Variants in RALGPS1 observed in about 807,000 individuals in gnomAD.
RALGPS1 encodes Ral GEF with PH domain and SH3 binding motif 1.
Under a neutral mutation model 78.8 loss-of-function variants are expected in RALGPS1, and 19 were observed. The ratio of observed to expected loss-of-function variants is 0.24; its 90% confidence interval spans 0.17 to 0.35. RALGPS1 has a LOEUF of 0.35. RALGPS1 is among the 10% of genes least tolerant of loss of function. RALGPS1 has a pLI of 1.00. For synonymous variants in RALGPS1, 228 were observed against 256.3 expected, an observed-to-expected ratio of 0.89 and a Z score of 1.06; for missense variants, 454 against 688.3, an observed-to-expected ratio of 0.66 and a Z score of 3.81.
At chr9:127,135,320 G>A (rs2057316896) in intron 8 of RALGPS1, among the ~76,000 whole-genome samples, 1 of 152,206 alleles carries the variant, frequency 6.6e-6, no homozygotes, top group African/African-American at 2.4e-5. Context: ...TCCTGTCTCT[G>A]TGGCCCTTGC....
intron 3 of RALGPS1, among the ~76,000 whole-genome samples, chr9:126,967,801 G>C (rs1469361666): frequency 2.0e-5 from 3 of 152,044 alleles, no homozygotes; most frequent in Non-Finnish European, 4.4e-5. Context: ...GCCTCCCAAA[G>C]TGCTGGGATT....
chr9:127,121,481 C>T (rs1222066058), intron 8 of RALGPS1, among the ~76,000 whole-genome samples: 2 of 152,218 alleles, frequency 1.3e-5, no homozygotes, highest in East Asian at 1.9e-4. Context: ...ACTGAACTGG[C>T]CTCTGGGAGC....
At chr9:127,152,052 A>AT (rs1204245712) in intron 8 of RALGPS1, among the ~76,000 whole-genome samples, 2 of 151,608 alleles carry the variant, frequency 1.3e-5, no homozygotes, top group African/African-American at 2.4e-5. Context: ...GTATTCTTTG[A>AT]TTTTTTTTCA....
intron 1 of RALGPS1, among the ~76,000 whole-genome samples, chr9:126,941,793 C>T (rs2036818632): frequency 6.6e-6 from 1 of 152,230 alleles, no homozygotes; most frequent in African/African-American, 2.4e-5. Context: ...TTTTTATCTA[C>T]CACTTAGTAT....
intron 7 of RALGPS1, among the ~76,000 whole-genome samples, chr9:127,065,992 G>A (rs1008933079): frequency 2.6e-5 from 4 of 152,238 alleles, no homozygotes; most frequent in African/African-American, 9.6e-5. Flanking sequence ...GAAGGGAGCA[G>A]ATGAGTAAAG....
intron 3 of RALGPS1, among the ~76,000 whole-genome samples, chr9:126,976,986 C>T (rs1029033899): frequency 4.6e-5 from 7 of 152,274 alleles, no homozygotes; most frequent in Admixed American, 1.3e-4. Flanking sequence ...CATCTTAAGC[C>T]GGCTGTGGTG....
At chr9:127,093,471 TG>T (rs1249312850) in intron 8 of RALGPS1, among the ~76,000 whole-genome samples, 1 of 152,172 alleles carries the variant, frequency 6.6e-6, no homozygotes, top group Non-Finnish European at 1.5e-5. Flanking sequence ...GGGGCTGTGG[TG>T]GTCTGGTCTA....
chr9:126,918,396 G>A (rs2034396900), intron 1 of RALGPS1, among the ~76,000 whole-genome samples: 1 of 152,164 alleles, frequency 6.6e-6, no homozygotes, highest in South Asian at 2.1e-4. Flanking sequence ...GAGTGCAGTG[G>A]CACAGTCACG....
At chr9:127,176,799 G>A (rs1434348810) in intron 11 of RALGPS1, among the ~76,000 whole-genome samples, 1 of 152,184 alleles carries the variant, frequency 6.6e-6, no homozygotes, top group African/African-American at 2.4e-5. Context: ...AGAGCCCAGG[G>A]TCAGGCACAG....
chr9:126,951,714 A>G (rs543234593), intron 1 of RALGPS1, among the ~76,000 whole-genome samples: 3 of 152,358 alleles, frequency 2.0e-5, no homozygotes, highest in Admixed American at 1.3e-4. Flanking sequence ...CCATTGTCAT[A>G]CTGAATGGGT....
intron 11 of RALGPS1, among the ~76,000 whole-genome samples, chr9:127,194,049 T>G (rs1473691614): frequency 1.3e-5 from 2 of 152,224 alleles, no homozygotes; most frequent in African/African-American, 4.8e-5. Context: ...CAGTGAGGTT[T>G]GCGCCCCTAA....
At chr9:126,952,472 T>C (rs2037913108) in intron 1 of RALGPS1, among the ~76,000 whole-genome samples, 1 of 152,040 alleles carries the variant, frequency 6.6e-6, no homozygotes, top group East Asian at 1.9e-4. Flanking sequence ...TTGGAGAGTT[T>C]GGAGAGGGTC....
Position 127,212,963 on chromosome 9 carries a change from A to G in RALGPS1, c.1466A>G (p.Lys489Arg). ...DRKHYKSTPG[K>R]KVSIVGWMVQ... ...CTCCAGTATAAATCCACACCTGGCA[A>G]AAAGGTTTCCATCGTGGGCTGGATG... Residue 489 changes from lysine to arginine, a missense_variant, in exon 17 of 19, where the codon AAA (lysine) becomes AGA (arginine). Transcript: ENST00000259351. This position sits in a 1 kb window ranked among gnomAD's most constrained non-coding sequence, Gnocchi z 6.0. The G allele has an allele frequency of 6.2e-7, 1 of 1,614,154 alleles. No individual in the cohort carries two copies. The highest frequency in any genetic ancestry group is 8.5e-7 in the Non-Finnish European group (1 of 1,180,028).
chr9:127,151,502 G>A (rs939566099), intron 8 of RALGPS1, among the ~76,000 whole-genome samples: 3 of 152,216 alleles, frequency 2.0e-5, no homozygotes, highest in African/African-American at 7.2e-5. Context: ...GGGAAGGACA[G>A]CAGCTACCAT....
intron 7 of RALGPS1, among the ~76,000 whole-genome samples, chr9:127,053,531 T>C (rs773374920): frequency 5.9e-5 from 9 of 152,178 alleles, no homozygotes; most frequent in Non-Finnish European, 1.0e-4. Flanking sequence ...GTGCCTGACA[T>C]GGGGGAAGTA....
chr9:127,170,114 CT>C lies in RALGPS1; in HGVS notation c.842+1343del, dbSNP rs2059492532. Among the ~76,000 whole-genome samples the C allele has an allele frequency of 4.6e-5, 7 of 152,160 alleles. No individual in the cohort carries two copies. The South Asian group carries it at 1.5e-3, about 32-fold the overall frequency. On this transcript the variant is annotated intron_variant, in intron 10 of 18. Transcript: ENST00000259351. The stretch of plus-strand genomic sequence containing the variant: ...GTGTCTGTGAATTTAATTAGCCAGA[CT>C]GCATGGTCTTCATCTAAGTTCGTGA...
At chr9:127,058,904 A>C (rs1236623195) in intron 7 of RALGPS1, among the ~76,000 whole-genome samples, 2 of 152,196 alleles carry the variant, frequency 1.3e-5, no homozygotes, top group African/African-American at 4.8e-5. Context: ...CATTTGCAGC[A>C]GCATTGTGAA....
chr9:127,089,401 T>C (rs2052175127), intron 8 of RALGPS1, among the ~76,000 whole-genome samples: 1 of 152,170 alleles, frequency 6.6e-6, no homozygotes, highest in African/African-American at 2.4e-5. Flanking sequence ...AAAATGAGAA[T>C]AAAAATGACG....
chr9:126,918,573 G>A (rs1314104811), intron 1 of RALGPS1, among the ~76,000 whole-genome samples: 2 of 151,740 alleles, frequency 1.3e-5, no homozygotes, highest in African/African-American at 4.8e-5. Context: ...TCCCCGCATC[G>A]GCCTCCCAAA....
Sources: gnomAD v4.1 joint callset for allele counts (sites outside exome capture counted in the v4.1 genomes callset) on GRCh38, gnomAD v4.1.1 for gene constraint, Gnocchi (gnomAD v3.1) non-coding constraint, MANE v1.5 for transcripts, NCBI Gene and HGNC (gene_info 2026-07-23, HGNC 2026-07-21) for gene names.